The following PRDM16 variants were observed in gnomAD, a reference collection of about 807,000 sequenced individuals.
PRDM16 encodes the protein PR/SET domain 16.
In PRDM16, 23 loss-of-function variants were observed where a neutral mutation model predicts 110.6. That is an observed-to-expected ratio of 0.21 (90% CI 0.15 to 0.29). PRDM16 has a LOEUF of 0.29. Among genes scored for constraint, PRDM16 ranks in the 10% least tolerant of loss-of-function variants. The probability of loss-of-function intolerance (pLI) is 1.00; values close to 1 mark genes in which losing one functional copy is unlikely to be tolerated. For synonymous variants in PRDM16, 799 were observed against 781.8 expected, an observed-to-expected ratio of 1.02 and a Z score of -0.37; for missense variants, 1,615 against 1,794.3, an observed-to-expected ratio of 0.90 and a Z score of 1.81.
chr1:3,295,408 T>G (rs1641065062), intron 3 of PRDM16, among the ~76,000 whole-genome samples: 1 of 152,126 alleles, frequency 6.6e-6, no homozygotes, highest in African/African-American at 2.4e-5. Flanking sequence ...ACTTCCATGA[T>G]GGGCTCACGG....
Position 3,130,520 on chromosome 1 carries a change from G to T in PRDM16, c.38-55605G>T, listed in dbSNP as rs1473695902. On this transcript the variant is annotated intron_variant, in intron 1 of 16. Transcript: ENST00000270722. ...CTCCAGGGCCCGCCCAGCAGCCCAG[G>T]GCTGCCCCCTGTCTATAGGTTTCCT... 2.0e-5 allele frequency among the ~76,000 whole-genome samples: 3 copies of T among 152,194 alleles called. No individual in the cohort carries two copies. In the East Asian group the frequency reaches 5.8e-4, roughly 29 times the overall value.
chr1:3,314,806 G>T (rs770628611), intron 3 of PRDM16, among the ~76,000 whole-genome samples: 1 of 152,102 alleles, frequency 6.6e-6, no homozygotes, highest in Admixed American at 6.5e-5. Context: ...CCCCTGACCC[G>T]CAGTCTGGCA....
chr1:3,134,322 G>A (rs561518613), intron 1 of PRDM16, among the ~76,000 whole-genome samples: 3 of 152,376 alleles, frequency 2.0e-5, no homozygotes, highest in South Asian at 2.1e-4. Context: ...AAGAGAGGAC[G>A]TGGACAGCAG....
chr1:3,200,774 C>A (rs1638603439), intron 2 of PRDM16, among the ~76,000 whole-genome samples: 1 of 152,168 alleles, frequency 6.6e-6, no homozygotes, highest in African/African-American at 2.4e-5. Context: ...GTGGACAGGG[C>A]TTGGGGGTCA....
intron 3 of PRDM16, among the ~76,000 whole-genome samples, chr1:3,384,611 A>C (rs1236301726): frequency 6.6e-6 from 1 of 152,254 alleles, no homozygotes; most frequent in African/African-American, 2.4e-5. Context: ...AGGCGTCTTC[A>C]TGCTGCTGGG....
At chr1:3,218,830 G>A (rs185001689) in intron 2 of PRDM16, among the ~76,000 whole-genome samples, 7 of 152,312 alleles carry the variant, frequency 4.6e-5, no homozygotes, top group East Asian at 1.9e-4. Context: ...TGGACAACCC[G>A]AACCACGCTT....
intron 2 of PRDM16, 167 bp downstream of exon 2, chr1:3,186,641 G>C (rs114746406): frequency 5.3e-6 from 3 of 560,986 alleles, no homozygotes; most frequent in Non-Finnish European, 9.3e-6. Flanking sequence ...CGCCTGATGC[G>C]ACTCAGAAAG....
chr1:3,300,364 A>G (rs866680267), intron 3 of PRDM16, among the ~76,000 whole-genome samples: 5 of 100,278 alleles, frequency 5.0e-5, no homozygotes, highest in Admixed American at 9.7e-5. Flanking sequence ...AGTCGTGGTG[A>G]CTCTGCCCTG....
rs1464141955 is a variant in PRDM16 at position 3,389,893 on chromosome 1, T to C, written c.573+4607T>C. 6.0e-5 allele frequency among the ~76,000 whole-genome samples: 9 copies of C among 151,216 alleles called. No homozygotes were observed. In the Admixed American group the frequency reaches 6.0e-4, roughly 10 times the overall value. On this transcript the variant is annotated intron_variant, in intron 4 of 16. Coordinates refer to ENST00000270722, the MANE Select transcript of PRDM16 (RefSeq NM_022114.4). Reference sequence around the variant, plus strand: ...TTTGACTTGCTGCCTCGTCCGAGCATGAGCGGAAGGCACAGAGGGGCCCTC... The same window carrying C: ...TTTGACTTGCTGCCTCGTCCGAGCACGAGCGGAAGGCACAGAGGGGCCCTC...
Position 3,186,277 on chromosome 1 carries a change from G to A in PRDM16, c.190G>A (p.Glu64Lys). ...FPTSEDFTPK[E>K]GSPYEAPVYI... is the part of the protein sequence containing the mutation. ...CACCAGCGAGGACTTCACCCCCAAG[G>A]AGGGCTCGCCGTACGAGGCCCCTGT... Residue 64 changes from glutamate to lysine, a missense_variant, in exon 2 of 17, where the codon GAG becomes AAG. Coordinates refer to ENST00000270722, the MANE Select transcript of PRDM16 (RefSeq NM_022114.4). 6.2e-7 allele frequency: 1 copy of A among 1,611,880 alleles called. No individual in the cohort carries two copies.
At chr1:3,385,033 G>A (rs1469607827) in intron 3 of PRDM16, 119 bp from the exon 4 acceptor site, 5 of 1,285,126 alleles carry the variant, frequency 3.9e-6, no homozygotes, top group Non-Finnish European at 5.5e-6. Context: ...CTGAGGTCTG[G>A]ACGCCGACTT....
intron 2 of PRDM16, among the ~76,000 whole-genome samples, chr1:3,212,075 G>T (rs571526888): frequency 6.6e-6 from 1 of 152,134 alleles, no homozygotes; most frequent in Non-Finnish European, 1.5e-5. Context: ...CAAGGCTCCC[G>T]GGGACCCTGC....
intron 2 of PRDM16, among the ~76,000 whole-genome samples, chr1:3,218,563 G>C (rs1639083774): frequency 6.6e-6 from 1 of 152,234 alleles, no homozygotes; most frequent in Admixed American, 6.5e-5. Context: ...ACCAAGTTTT[G>C]AATGGCTACA....
chr1:3,212,814 A>AC (rs750155673), intron 2 of PRDM16, among the ~76,000 whole-genome samples: 1 of 152,040 alleles, frequency 6.6e-6, no homozygotes, highest in East Asian at 1.9e-4. Flanking sequence ...TCCCTCCCTG[A>AC]CCCCAGCTCT....
At chr1:3,114,199 GCACGCA>G (rs1642872237) in intron 1 of PRDM16, among the ~76,000 whole-genome samples, 2 of 110,352 alleles carry the variant, frequency 1.8e-5, no homozygotes, top group African/African-American at 7.5e-5. Context: ...ACACGCACAC[GCACGCA>G]CACACGCACA....
chr1:3,363,682 G>T (rs1452902521), intron 3 of PRDM16, among the ~76,000 whole-genome samples: 2 of 152,130 alleles, frequency 1.3e-5, no homozygotes, highest in Non-Finnish European at 2.9e-5. Context: ...CAGTGGCCGG[G>T]GGGCAGGTGC....
chr1:3,282,235 G>A (rs1249864219), intron 3 of PRDM16, among the ~76,000 whole-genome samples: 7 of 152,352 alleles, frequency 4.6e-5, no homozygotes, highest in South Asian at 2.1e-4. Context: ...GTGTGCAGAC[G>A]TTTCCCCAGA....
intron 2 of PRDM16, among the ~76,000 whole-genome samples, chr1:3,210,908 T>C (rs1638869420): frequency 6.6e-6 from 1 of 152,264 alleles, no homozygotes; most frequent in African/African-American, 2.4e-5. Context: ...TTATTCGATA[T>C]GTATTTGTTC....
At chr1:3,405,368 G>A (rs1050180410) in intron 7 of PRDM16, 127 bp from the exon 8 acceptor site, 35 of 1,113,228 alleles carry the variant, frequency 3.1e-5, no homozygotes, top group African/African-American at 1.9e-4. Flanking sequence ...CCTGCTTGGT[G>A]CAGACTGCAA....
Sources: allele counts gnomAD v4.1 joint callset (sites outside exome capture counted in the v4.1 genomes callset), GRCh38; gene constraint gnomAD v4.1.1; transcripts MANE v1.5; gene names NCBI Gene and HGNC (gene_info 2026-07-23, HGNC 2026-07-21).